The following CMPK1 variants were observed in gnomAD, a reference collection of about 807,000 sequenced individuals.
CMPK1 encodes UMP-CMP kinase.
In CMPK1, 10 loss-of-function variants were observed where a neutral mutation model predicts 25.7. That is an observed-to-expected ratio of 0.39 (90% CI 0.24 to 0.66). CMPK1 has a LOEUF of 0.66. CMPK1 is among the 30% of genes least tolerant of loss of function. The pLI, the probability that CMPK1 is intolerant of heterozygous loss-of-function variation, is 0.48. For missense variants in CMPK1, 199 were observed against 280.5 expected (o/e 0.71, Z 2.08); for synonymous variants, 106 against 101.5 (o/e 1.04, Z -0.27).
intron 1 of CMPK1, among the ~76,000 whole-genome samples, chr1:47,354,331 T>C (rs936613347): frequency 2.0e-5 from 3 of 152,018 alleles, no homozygotes; most frequent in African/African-American, 4.8e-5. Context: ...ACTGCCTCAA[T>C]AGATAGATAA....
At chr1:47,355,590 G>A (rs1454323484) in intron 1 of CMPK1, among the ~76,000 whole-genome samples, 1 of 151,974 alleles carries the variant, frequency 6.6e-6, no homozygotes, top group African/African-American at 2.4e-5. Flanking sequence ...TGGGATTACA[G>A]GTGTGAGCCA....
chr1:47,341,130 T>C (rs992107913), intron 1 of CMPK1, among the ~76,000 whole-genome samples: 30 of 152,190 alleles, frequency 2.0e-4, no homozygotes, highest in Non-Finnish European at 3.2e-4. Context: ...TTTTAAGTTA[T>C]AAGAGTAACA....
intron 1 of CMPK1, among the ~76,000 whole-genome samples, chr1:47,337,100 A>G (rs1412560168): frequency 6.6e-6 from 1 of 151,992 alleles, no homozygotes; most frequent in East Asian, 1.9e-4. Flanking sequence ...CTGGCTAACA[A>G]GGTGAAACCC....
intron 1 of CMPK1, among the ~76,000 whole-genome samples, chr1:47,343,466 C>A (rs924538993): frequency 6.6e-6 from 1 of 151,004 alleles, no homozygotes; most frequent in South Asian, 2.1e-4. Flanking sequence ...CAAGACCACA[C>A]CATTGCACTC....
Position 47,334,126 on chromosome 1 carries a change from G to A in CMPK1, c.171+10G>A, listed in dbSNP as rs1570343250. ...CGCCCGCATCGTCGAGGTGAGGCCC[G>A]GGCAGCAGGCGGGCTCCTTGGGGCT... On this transcript the variant is annotated intron_variant, in intron 1 of 5. Coordinates refer to ENST00000371873, the MANE Select transcript of CMPK1 (RefSeq NM_016308.3). 3 of 1,490,084 alleles carry A rather than the reference G, an allele frequency of 2.0e-6. No individual in the cohort carries two copies. Among genetic ancestry groups the A allele is most frequent in the South Asian group, 1.3e-5 (1 of 79,424 alleles). The allele number at this position is 1,490,084 out of a possible 1,614,324, so 92.3% of individuals were successfully genotyped here. A position where few individuals can be genotyped will look rare whatever the true frequency, so the allele number is the denominator to read the frequency against.
rs143868803 is a variant in CMPK1, at chr1:47,354,307, C to A, written c.172-14162C>A. Among the ~76,000 whole-genome samples the A allele has an allele frequency of 3.3e-3, 501 of 152,202 alleles. 8 individuals carry two copies. The highest frequency in any genetic ancestry group is 0.012 in the African/African-American group (489 of 41,532). ...TTGTGCCACTGTATTCCAGCCTGGG[C>A]AGCAGAGCAAGACACTGCCTCAATA... On this transcript the variant is annotated intron_variant, in intron 1 of 5. Coordinates refer to ENST00000371873, the MANE Select transcript of CMPK1 (RefSeq NM_016308.3).
chr1:47,363,599 C>T (rs563362369), intron 1 of CMPK1, among the ~76,000 whole-genome samples: 1 of 151,922 alleles, frequency 6.6e-6, no homozygotes, highest in South Asian at 2.1e-4. Context: ...GATTGTACCA[C>T]TGCACTCCAG....
At chr1:47,356,896 A>G (rs1646564133) in intron 1 of CMPK1, among the ~76,000 whole-genome samples, 1 of 151,300 alleles carries the variant, frequency 6.6e-6, no homozygotes, top group African/African-American at 2.4e-5. Flanking sequence ...CTTGGCCTCA[A>G]GTGATCCGCA....
intron 1 of CMPK1, among the ~76,000 whole-genome samples, chr1:47,346,198 C>T (rs1003469268): frequency 5.3e-5 from 8 of 152,022 alleles, no homozygotes; most frequent in South Asian, 2.1e-4. Context: ...TACAGGTGCC[C>T]GCCACCACGC....
At chr1:47,334,154 A>C in intron 1 of CMPK1, 38 bp downstream of exon 1, 1 of 1,438,190 alleles carries the variant, frequency 7.0e-7, no homozygotes, top group Non-Finnish European at 9.2e-7. Flanking sequence ...TTGGGGCTTG[A>C]CGGGATGCGG....
intron 1 of CMPK1, among the ~76,000 whole-genome samples, chr1:47,344,138 T>C (rs181355511): frequency 0.011 from 1,640 of 151,384 alleles, 23 homozygotes; most frequent in Non-Finnish European, 0.015. Context: ...AGGAAATTAA[T>C]TGGTGATGAC....
intron 1 of CMPK1, among the ~76,000 whole-genome samples, chr1:47,367,265 A>G (rs556683007): frequency 6.6e-6 from 1 of 152,362 alleles, no homozygotes. Context: ...ACTCAATTAT[A>G]GTCAGCAAAT....
At chr1:47,369,095 C>T (rs907899909) in intron 2 of CMPK1, among the ~76,000 whole-genome samples, 1 of 152,312 alleles carries the variant, frequency 6.6e-6, no homozygotes, top group East Asian at 1.9e-4. Flanking sequence ...CCTCAACCTT[C>T]CAGGCTTAAG....
At position 47,351,082 on chromosome 1, in the gene CMPK1, G is replaced by T. The variant is rs1046585323; in HGVS notation, c.171+16966G>T. 5.9e-5 allele frequency among the ~76,000 whole-genome samples: 9 copies of T among 151,570 alleles called. No homozygotes were observed. In the East Asian group the frequency reaches 1.7e-3, roughly 29 times the overall value. ...GCTTATTTTACTTAACATAATTTTT[G>T]TTTGTTTGTTTGTTTGTTTGTGACG... On this transcript the variant is annotated intron_variant, in intron 1 of 5. Transcript: ENST00000371873.
At chr1:47,338,983 A>C (rs1189020945) in intron 1 of CMPK1, among the ~76,000 whole-genome samples, 1 of 152,154 alleles carries the variant, frequency 6.6e-6, no homozygotes, top group African/African-American at 2.4e-5. Context: ...CATTTTGCTT[A>C]CATAAACAAA....
At chr1:47,363,258 C>G (rs1646615649) in intron 1 of CMPK1, among the ~76,000 whole-genome samples, 1 of 152,172 alleles carries the variant, frequency 6.6e-6, no homozygotes, top group Non-Finnish European at 1.5e-5. Flanking sequence ...TGCTTTCACA[C>G]CATTGTAAAG....
At chr1:47,352,742 G>T (rs1646531659) in intron 1 of CMPK1, among the ~76,000 whole-genome samples, 1 of 152,124 alleles carries the variant, frequency 6.6e-6, no homozygotes, top group Non-Finnish European at 1.5e-5. Context: ...TTTCCTTGAT[G>T]AAGTTAGGCT....
chr1:47,369,257 C>T (rs1175805706), intron 2 of CMPK1, among the ~76,000 whole-genome samples: 5 of 152,130 alleles, frequency 3.3e-5, no homozygotes, highest in Non-Finnish European at 7.3e-5. Flanking sequence ...CCTCTCACCT[C>T]GGCCTCCCAA....
At chr1:47,350,093 A>G (rs1172877755) in intron 1 of CMPK1, among the ~76,000 whole-genome samples, 1 of 152,178 alleles carries the variant, frequency 6.6e-6, no homozygotes, top group Non-Finnish European at 1.5e-5. Flanking sequence ...GGCATGAGCC[A>G]TCTTGCTCAG....
Sources: gnomAD v4.1 joint callset for allele counts (sites outside exome capture counted in the v4.1 genomes callset) on GRCh38, gnomAD v4.1.1 for gene constraint, MANE v1.5 for transcripts, NCBI Gene and HGNC (gene_info 2026-07-23, HGNC 2026-07-21) for gene names.